WLS: variants seen among roughly 807,000 people sequenced by gnomAD.
WLS encodes the protein protein wntless homolog.
Under a neutral mutation model 62.8 loss-of-function variants are expected in WLS, and 23 were observed. The ratio of observed to expected loss-of-function variants is 0.37; its 90% CI spans 0.26 to 0.52. WLS has a LOEUF of 0.52. Ranked by LOEUF, WLS falls within the 20% of genes least tolerant of loss-of-function variation. WLS has a pLI of 0.92. For synonymous variants in WLS, 246 were observed against 244.1 expected (o/e 1.01, Z -0.07); for missense variants, 615 against 697.3 (o/e 0.88, Z 1.33).
chr1:68,187,073 G>T (rs188731443), intron 2 of WLS, among the ~76,000 whole-genome samples: 2 of 151,236 alleles, frequency 1.3e-5, no homozygotes, highest in African/African-American at 4.9e-5. Flanking sequence ...TTAGCCGGGC[G>T]TGGTGGCAGG....
chr1:68,124,578 T>C (rs898481503), downstream of WLS, among the ~76,000 whole-genome samples: 3 of 152,180 alleles, frequency 2.0e-5, no homozygotes, highest in African/African-American at 7.2e-5. Context: ...AGTTCCCTGC[T>C]GGACTGGGAG....
At chr1:68,099,411 G>C (rs2100281847) in intron 11 of WLS, among the ~76,000 whole-genome samples, 1 of 152,262 alleles carries the variant, frequency 6.6e-6, no homozygotes, top group East Asian at 1.9e-4. Flanking sequence ...TAACTGGGTT[G>C]TCAATTTAAA....
At chr1:68,218,624 C>T (rs1649827214) in intron 1 of WLS, among the ~76,000 whole-genome samples, 1 of 152,230 alleles carries the variant, frequency 6.6e-6, no homozygotes, top group Admixed American at 6.5e-5. Context: ...TTTCAGTTTA[C>T]ATATGCTCCT....
At chr1:68,105,015 C>T (rs961869269) in intron 11 of WLS, among the ~76,000 whole-genome samples, 8 of 152,224 alleles carry the variant, frequency 5.3e-5, no homozygotes, top group African/African-American at 1.9e-4. Context: ...CAGTCACTGC[C>T]TGTGCATAGT....
chr1:68,227,352 G>GGTTGCAGTGAGCC (rs1650192413), intron 1 of WLS, among the ~76,000 whole-genome samples: 1 of 151,120 alleles, frequency 6.6e-6, no homozygotes, highest in African/African-American at 2.4e-5. Flanking sequence ...GGGAGGCGGA[G>GGTTGCAGTGAGCC]GTTGCAGTGA....
intron 11 of WLS, among the ~76,000 whole-genome samples, chr1:68,104,206 A>T (rs1646115203): frequency 6.6e-6 from 1 of 151,292 alleles, no homozygotes; most frequent in Admixed American, 6.6e-5. Context: ...AAAAAAAAGC[A>T]AAATCTAAGT....
chr1:68,188,999 C>T (rs527809301), intron 2 of WLS, among the ~76,000 whole-genome samples: 6 of 152,350 alleles, frequency 3.9e-5, no homozygotes, highest in African/African-American at 1.4e-4. Context: ...AGAGGTCAAT[C>T]ACAGTGTAAA....
chr1:68,107,543 T>C (rs2100312342), intron 11 of WLS, among the ~76,000 whole-genome samples: 1 of 152,284 alleles, frequency 6.6e-6, no homozygotes, highest in South Asian at 2.1e-4. Flanking sequence ...AGAATAACAA[T>C]ACTTACCTGG....
At chr1:68,182,002 A>G (rs1425371511) in intron 2 of WLS, among the ~76,000 whole-genome samples, 1 of 152,244 alleles carries the variant, frequency 6.6e-6, no homozygotes, top group Non-Finnish European at 1.5e-5. Flanking sequence ...GCTGATGTTT[A>G]GTAACAATTT....
At chr1:68,155,312 G>C (rs1325347760) in intron 3 of WLS, 52 bp from the exon 4 acceptor site, 1 of 1,563,344 alleles carries the variant, frequency 6.4e-7, no homozygotes, top group Admixed American at 1.9e-5. Context: ...CAATAGACTG[G>C]CTCTGAATTC....
chr1:68,150,793 A>G (rs1646815127), intron 5 of WLS, among the ~76,000 whole-genome samples: 1 of 152,234 alleles, frequency 6.6e-6, no homozygotes, highest in Non-Finnish European at 1.5e-5. Context: ...TCAATAATAC[A>G]TGACTCCAAA....
chr1:68,161,121 A>T (rs747450898), intron 2 of WLS, among the ~76,000 whole-genome samples: 17 of 152,330 alleles, frequency 1.1e-4, no homozygotes, highest in Non-Finnish European at 2.2e-4. Flanking sequence ...CAGCTTGTGA[A>T]AGTTAATACT....
chr1:68,156,327 A>G (rs923744270), intron 3 of WLS, among the ~76,000 whole-genome samples: 33 of 152,324 alleles, frequency 2.2e-4, no homozygotes, highest in African/African-American at 7.7e-4. Context: ...CAAGACCTCC[A>G]TAATTTGTCA....
intron 11 of WLS, among the ~76,000 whole-genome samples, chr1:68,128,504 G>A (rs1224883554): frequency 2.0e-5 from 3 of 152,124 alleles, no homozygotes; most frequent in Non-Finnish European, 2.9e-5. Context: ...ACTCATAACC[G>A]TTTACCTAAG....
chr1:68,193,762 C>T, intron 2 of WLS, 193 bp downstream of exon 2: 1 of 667,076 alleles, frequency 1.5e-6, no homozygotes, highest in Non-Finnish European at 2.4e-6. Flanking sequence ...AATAATAAGA[C>T]TACCTCAAGG....
chr1:68,217,921 C>T (rs992199039), intron 1 of WLS, among the ~76,000 whole-genome samples: 15 of 152,312 alleles, frequency 9.8e-5, no homozygotes, highest in African/African-American at 3.4e-4. Flanking sequence ...AGTTCCCAGA[C>T]ATTAGCACCA....
chr1:68,124,968 T>C (rs1646407775), downstream of WLS, among the ~76,000 whole-genome samples: 1 of 152,224 alleles, frequency 6.6e-6, no homozygotes, highest in Non-Finnish European at 1.5e-5. Context: ...GCAGTTAAAG[T>C]TTATCGATAT....
At chr1:68,198,958 G>T (rs1648835503) in intron 1 of WLS, among the ~76,000 whole-genome samples, 1 of 152,174 alleles carries the variant, frequency 6.6e-6, no homozygotes, top group South Asian at 2.1e-4. Context: ...TGGCTATCCA[G>T]TTTACAAATT....
chr1:68,111,003 A>C (rs1048949086), intron 11 of WLS, among the ~76,000 whole-genome samples: 1 of 152,186 alleles, frequency 6.6e-6, no homozygotes, highest in Non-Finnish European at 1.5e-5. Context: ...TTTGAAAGAC[A>C]CAAGTACCCA....
Sources: allele counts gnomAD v4.1 joint callset (sites outside exome capture counted in the v4.1 genomes callset), GRCh38; gene constraint gnomAD v4.1.1; transcripts MANE v1.5; gene names NCBI Gene and HGNC (gene_info 2026-07-23, HGNC 2026-07-21).